The following PIK3C2G variants were observed in gnomAD, a reference collection of about 807,000 sequenced individuals.
PIK3C2G encodes the protein phosphatidylinositol 3-kinase C2 domain-containing subunit gamma.
PIK3C2G carries 168 observed loss-of-function variants against 181.1 expected under a neutral mutation model. That is an observed-to-expected ratio of 0.93 (90% CI 0.82 to 1.05). The LOEUF (loss-of-function observed/expected upper bound fraction) is 1.05, where lower values mean the gene tolerates loss of function less well. Among genes scored for constraint, PIK3C2G ranks in the 50% least tolerant of loss-of-function variants. The pLI, the probability that PIK3C2G is intolerant of heterozygous loss-of-function variation, is 0.00. For synonymous variants in PIK3C2G, 573 were observed against 592.2 expected (o/e 0.97, Z 0.47); for missense variants, 1,869 against 1,732.8 (o/e 1.08, Z -1.40).
At chr12:18,313,804 TCACACACACA>T (rs5796752) in intron 5 of PIK3C2G, among the ~76,000 whole-genome samples, 148 bp from the exon 6 acceptor site, 2 of 149,472 alleles carry the variant, frequency 1.3e-5, no homozygotes, top group South Asian at 2.1e-4. Context: ...GCATATATAT[TCACACACACA>T]CACACACACA....
At chr12:18,687,559 A>C in the PIK3C2G span, among the ~76,000 whole-genome samples, 2 of 152,144 alleles carry the variant, frequency 1.3e-5, no homozygotes, top group East Asian at 3.9e-4. Context: ...TGAAAATCTT[A>C]CCAAAGTTAT....
intron 1 of PIK3C2G, among the ~76,000 whole-genome samples, chr12:18,277,981 T>C (rs1421572393): frequency 1.3e-5 from 2 of 152,186 alleles, no homozygotes; most frequent in Non-Finnish European, 2.9e-5. Context: ...ACTGTTTGAA[T>C]TGAGCTGAAC....
intron 18 of PIK3C2G, among the ~76,000 whole-genome samples, chr12:18,456,365 G>T (rs1447755665): frequency 1.3e-5 from 2 of 151,764 alleles, no homozygotes; most frequent in Non-Finnish European, 2.9e-5. Context: ...AGGCTTATTA[G>T]TCAAGAGAAA....
At chr12:18,435,130 C>T (rs1158760291) in intron 18 of PIK3C2G, among the ~76,000 whole-genome samples, 1 of 152,006 alleles carries the variant, frequency 6.6e-6, no homozygotes, top group Non-Finnish European at 1.5e-5. Context: ...CCACCATTCC[C>T]AAACTTTTAA....
At chr12:18,724,571 A>G in the PIK3C2G span, among the ~76,000 whole-genome samples, 1 of 152,272 alleles carries the variant, frequency 6.6e-6, no homozygotes, top group East Asian at 1.9e-4. Context: ...TTGTCAAATC[A>G]GATGCGGGGT....
At position 18,535,225 on chromosome 12, in the gene PIK3C2G, T is replaced by G. The variant is rs1321314683; in HGVS notation, c.3324-2931T>G. On this transcript the variant is annotated intron_variant, in intron 24 of 32. Coordinates refer to ENST00000538779, the MANE Select transcript of PIK3C2G (RefSeq NM_001288772.2). Reference sequence around the variant, plus strand: ...TGGGATTTTGTTTCACATATGAAGTTTCTTTTCATTTATAGACAAGTTTAG... The same window carrying G: ...TGGGATTTTGTTTCACATATGAAGTGTCTTTTCATTTATAGACAAGTTTAG... Among the ~76,000 whole-genome samples the G allele has an allele frequency of 2.0e-5, 3 of 152,188 alleles. No individual in the cohort carries two copies. The East Asian group carries it at 5.8e-4, about 29-fold the overall frequency.
At chr12:18,701,286 A>G in the PIK3C2G span, among the ~76,000 whole-genome samples, 1 of 152,130 alleles carries the variant, frequency 6.6e-6, no homozygotes, top group Non-Finnish European at 1.5e-5. Flanking sequence ...TGCTCAGCCT[A>G]GAGAAAAAAA....
At chr12:18,530,431 T>C (rs1472679611) in intron 24 of PIK3C2G, among the ~76,000 whole-genome samples, 1 of 152,200 alleles carries the variant, frequency 6.6e-6, no homozygotes, top group Non-Finnish European at 1.5e-5. Flanking sequence ...TAAATAACCT[T>C]GCCTCAAAAT....
At chr12:18,502,558 T>C (rs1473680517) in intron 22 of PIK3C2G, among the ~76,000 whole-genome samples, 2 of 152,196 alleles carry the variant, frequency 1.3e-5, no homozygotes, top group African/African-American at 4.8e-5. Flanking sequence ...TGGATCTAAA[T>C]TGCTGTTCTG....
At chr12:18,539,627 T>C (rs566848654) in intron 25 of PIK3C2G, among the ~76,000 whole-genome samples, 3 of 152,010 alleles carry the variant, frequency 2.0e-5, no homozygotes, top group South Asian at 2.1e-4. Context: ...TCAGCACAGA[T>C]AGGAAACTTC....
intron 32 of PIK3C2G, among the ~76,000 whole-genome samples, chr12:18,645,503 A>G (rs527947936): frequency 8.5e-5 from 13 of 152,330 alleles, no homozygotes; most frequent in African/African-American, 2.9e-4. Flanking sequence ...ATTAACTCCT[A>G]AAGTCATTTC....
intron 22 of PIK3C2G, among the ~76,000 whole-genome samples, chr12:18,500,022 T>C (rs984497980): frequency 6.6e-6 from 1 of 152,254 alleles, no homozygotes; most frequent in Non-Finnish European, 1.5e-5. Flanking sequence ...CGGCGCCTCC[T>C]CTGCCTGGGC....
At chr12:18,640,321 G>A (rs1949783976) in intron 31 of PIK3C2G, 108 bp from the exon 32 acceptor site, 3 of 834,200 alleles carry the variant, frequency 3.6e-6, no homozygotes, top group Admixed American at 6.5e-5. Context: ...TCAACAAAGT[G>A]ACTGTAATAA....
At chr12:18,451,269 T>C (rs764121102) in intron 18 of PIK3C2G, among the ~76,000 whole-genome samples, 11 of 152,298 alleles carry the variant, frequency 7.2e-5, no homozygotes, top group Non-Finnish European at 1.3e-4. Flanking sequence ...TGGTTTGTAG[T>C]TCTCCTTGAA....
chr12:18,526,842 T>C (rs886849635), intron 24 of PIK3C2G, among the ~76,000 whole-genome samples: 2 of 152,166 alleles, frequency 1.3e-5, no homozygotes, highest in Admixed American at 1.3e-4. Flanking sequence ...CTTCTCACTA[T>C]TACTTCTCCC....
Position 18,504,022 on chromosome 12 carries a change from A to G in PIK3C2G, c.3153+605A>G, listed in dbSNP as rs376465755. 6.5e-4 allele frequency among the ~76,000 whole-genome samples: 99 copies of G among 152,274 alleles called. 2 individuals are homozygous for G. The highest frequency in any genetic ancestry group is 2.3e-3 in the African/African-American group (94 of 41,546). On this transcript the variant is annotated intron_variant, in intron 23 of 32. Coordinates refer to ENST00000538779, the MANE Select transcript of PIK3C2G (RefSeq NM_001288772.2). ...TGGTCCACTTGCCAAGCTATGATCT[A>G]GTACAGCTGGGTCCACCCAGAGGAA...
the PIK3C2G span, chr12:18,701,470 C>T: frequency 1.1e-5 from 17 of 1,613,888 alleles, no homozygotes; most frequent in Non-Finnish European, 5.9e-6. Context: ...TTTCCAATCA[C>T]TTGTAAGATT....
At chr12:18,605,225 C>T (rs1452648440) in intron 30 of PIK3C2G, among the ~76,000 whole-genome samples, 2 of 152,034 alleles carry the variant, frequency 1.3e-5, no homozygotes, top group Non-Finnish European at 2.9e-5. Flanking sequence ...ACCACTGAAA[C>T]ACAAAAGATC....
At chr12:18,585,930 G>T (rs534486472) in intron 29 of PIK3C2G, among the ~76,000 whole-genome samples, 3 of 152,142 alleles carry the variant, frequency 2.0e-5, no homozygotes, top group East Asian at 3.9e-4. Context: ...AAGTTAAACA[G>T]CTTACTCCTG....
Sources: allele counts gnomAD v4.1 joint callset (sites outside exome capture counted in the v4.1 genomes callset), GRCh38; gene constraint gnomAD v4.1.1; transcripts MANE v1.5; gene names NCBI Gene and HGNC (gene_info 2026-07-23, HGNC 2026-07-21).